Variants in MYT1L observed in about 807,000 individuals in gnomAD.
The protein encoded by MYT1L is myelin transcription factor 1-like protein.
Under a neutral mutation model 126.7 loss-of-function variants are expected in MYT1L, and 12 were observed. The observed-to-expected ratio is 0.09, with a 90% CI of 0.06 to 0.15. The LOEUF (loss-of-function observed/expected upper bound fraction) is 0.15. Among genes scored for constraint, MYT1L ranks in the 10% least tolerant of loss-of-function variants. The pLI is 1.00. For synonymous variants in MYT1L, 541 were observed against 604.2 expected (o/e 0.90, Z 1.53); for missense variants, 979 against 1,585.2 (o/e 0.62, Z 6.49).
At chr2:1,934,005 T>C (rs531565673) in intron 9 of MYT1L, among the ~76,000 whole-genome samples, 162 of 146,262 alleles carry the variant, frequency 1.1e-3, no homozygotes, top group Middle Eastern at 6.9e-3. Flanking sequence ...GATGGAGTCT[T>C]GCTCTGTCGC....
At chr2:2,252,077 C>T (rs1360077340) in intron 2 of MYT1L, among the ~76,000 whole-genome samples, 1 of 152,068 alleles carries the variant, frequency 6.6e-6, no homozygotes, top group African/African-American at 2.4e-5. Flanking sequence ...ATTCAGCTGT[C>T]CTTGTTACCG....
At chr2:2,284,150 G>T (rs371809857) in intron 2 of MYT1L, among the ~76,000 whole-genome samples, 10 of 152,276 alleles carry the variant, frequency 6.6e-5, no homozygotes, top group African/African-American at 2.4e-4. Context: ...TTAGATTATA[G>T]GTGATGCTTT....
intron 9 of MYT1L, among the ~76,000 whole-genome samples, chr2:1,930,934 A>G (rs2054878038): frequency 6.6e-6 from 1 of 152,230 alleles, no homozygotes; most frequent in Non-Finnish European, 1.5e-5. Context: ...ACTACATCTT[A>G]GTAACCATCT....
chr2:2,326,823 C>T (rs1018126165), intron 1 of MYT1L: 6 of 152,140 alleles, frequency 3.9e-5, no homozygotes, highest in Admixed American at 3.3e-4. Context: ...ATTGTAGAAA[C>T]ATGCATAGAA....
chr2:2,270,269 C>T (rs918859706), intron 2 of MYT1L, among the ~76,000 whole-genome samples: 4 of 152,186 alleles, frequency 2.6e-5, no homozygotes, highest in African/African-American at 4.8e-5. Flanking sequence ...TTGTTTAAGC[C>T]GTCTGGTAGT....
In MYT1L at chr2:1,892,150, G is replaced by T; in HGVS notation, c.2170C>A (p.His724Asn). The T allele has an allele frequency of 6.5e-7, 1 of 1,548,560 alleles. No homozygotes were observed. ...GCCATGTGGGCCGCCTCCATGTCGT[G>T]CGTGTAGTCGAAGCTGCTCTTGCTG... ...TCSKSSFDYTHDMEAAHMAAT... is the reference protein window; with the variant it reads ...TCSKSSFDYTNDMEAAHMAAT... The change falls in exon 15 of 25, where the codon CAC (histidine) becomes AAC (asparagine). Residue 724 changes from histidine (H) to asparagine (N), a missense_variant. Transcript: ENST00000647738.
intron 9 of MYT1L, among the ~76,000 whole-genome samples, chr2:1,932,403 G>T (rs2055127272): frequency 6.6e-6 from 1 of 152,134 alleles, no homozygotes; most frequent in Non-Finnish European, 1.5e-5. Flanking sequence ...GCACAACCAA[G>T]CTCTGCTGGG....
intron 3 of MYT1L, among the ~76,000 whole-genome samples, chr2:2,061,937 G>A (rs568572136): frequency 9.8e-4 from 149 of 152,030 alleles, no homozygotes; most frequent in African/African-American, 3.5e-3. Context: ...CTCCCCAGAG[G>A]GAAAGCTTTC....
intron 21 of MYT1L, among the ~76,000 whole-genome samples, chr2:1,819,914 T>C (rs2148125638): frequency 6.6e-6 from 1 of 152,148 alleles, no homozygotes; most frequent in Non-Finnish European, 1.5e-5. Flanking sequence ...GGATTTAGCT[T>C]CTAGGCAATG....
At chr2:1,915,377 G>A (rs759309685) in intron 11 of MYT1L, among the ~76,000 whole-genome samples, 10 of 151,838 alleles carry the variant, frequency 6.6e-5, no homozygotes, top group African/African-American at 2.2e-4. Context: ...CTCCGAGAGC[G>A]ATCTGGCCCT....
At chr2:1,839,114 A>T in intron 21 of MYT1L, 35 bp downstream of exon 21, 1 of 1,563,720 alleles carries the variant, frequency 6.4e-7, no homozygotes, top group South Asian at 1.2e-5. Flanking sequence ...CGGCGGCACC[A>T]TCCCAGCCAG....
rs1361038099 is a variant in MYT1L at position 2,003,975 on chromosome 2, ATTCTTTCCTGCAAGCG to A, written c.-157-6644_-157-6629del. 7.7e-4 allele frequency among the ~76,000 whole-genome samples: 102 copies of A among 132,194 alleles called. 2 individuals are homozygous for A. Among genetic ancestry groups the A allele is most frequent in the African/African-American group, 2.5e-3 (89 of 35,832 alleles). The allele number at this position is 132,194 out of a possible 152,430, so 86.7% of individuals were successfully genotyped here. On this transcript the variant is annotated intron_variant, in intron 4 of 24. Coordinates refer to ENST00000647738, the MANE Select transcript of MYT1L (RefSeq NM_001303052.2). ...CCTGCATGCGTTCTTTCCTGCAGGC[ATTCTTTCCTGCAAGCG>A]TTCTTTCCTGCATGCCTTCTTTCCT...
At chr2:2,027,550 T>G (rs1441088146) in intron 4 of MYT1L, among the ~76,000 whole-genome samples, 1 of 152,160 alleles carries the variant, frequency 6.6e-6, no homozygotes, top group African/African-American at 2.4e-5. Flanking sequence ...ACAACAAAAT[T>G]AGCTGTCAAA....
intron 3 of MYT1L, among the ~76,000 whole-genome samples, chr2:2,137,021 C>A (rs1280845796): frequency 6.6e-6 from 1 of 152,126 alleles, no homozygotes; most frequent in Non-Finnish European, 1.5e-5. Context: ...GTGCAAAAAT[C>A]ACAAGCATTC....
intron 3 of MYT1L, among the ~76,000 whole-genome samples, chr2:2,056,693 G>C (rs961820166): frequency 3.9e-5 from 6 of 152,200 alleles, no homozygotes; most frequent in African/African-American, 1.4e-4. Flanking sequence ...TGCTGCTTGT[G>C]ATCACTGGTA....
At chr2:2,315,814 T>C (rs2096056528) in intron 1 of MYT1L, among the ~76,000 whole-genome samples, 1 of 152,262 alleles carries the variant, frequency 6.6e-6, no homozygotes, top group Non-Finnish European at 1.5e-5. Context: ...AGCATATTTC[T>C]ATTGCCTGTA....
chr2:2,020,900 A>C (rs2064960971), intron 4 of MYT1L, among the ~76,000 whole-genome samples: 1 of 152,224 alleles, frequency 6.6e-6, no homozygotes, highest in Non-Finnish European at 1.5e-5. Context: ...TGACCCAGTT[A>C]GCATAGCTCC....
chr2:2,096,186 T>G (rs2077451394), intron 3 of MYT1L, among the ~76,000 whole-genome samples: 5 of 152,244 alleles, frequency 3.3e-5, no homozygotes, highest in Admixed American at 3.3e-4. Context: ...GGATTTCTAT[T>G]CTTCTTTCCT....
intron 9 of MYT1L, among the ~76,000 whole-genome samples, chr2:1,938,882 A>G (rs2056306220): frequency 6.6e-6 from 1 of 152,274 alleles, no homozygotes; most frequent in African/African-American, 2.4e-5. Flanking sequence ...CTTAAATTAT[A>G]AACAATAGTC....
Sources: allele counts gnomAD v4.1 joint callset (sites outside exome capture counted in the v4.1 genomes callset), GRCh38; gene constraint gnomAD v4.1.1; transcripts MANE v1.5; gene names NCBI Gene and HGNC (gene_info 2026-07-23, HGNC 2026-07-21).